The following DNAI4 variants were observed in gnomAD, a reference collection of about 807,000 sequenced individuals.
DNAI4 encodes the protein dynein axonemal intermediate chain 4.
DNAI4 carries 85 observed loss-of-function variants against 105.8 expected under a neutral mutation model. That is an observed-to-expected ratio of 0.80 (90% confidence interval 0.67 to 0.96). The LOEUF (loss-of-function observed/expected upper bound fraction) is 0.96, where lower values mean the gene tolerates loss of function less well. Ranked by LOEUF, DNAI4 falls within the 40% of genes least tolerant of loss-of-function variation. DNAI4 has a pLI of 0.00. For synonymous variants in DNAI4, 352 were observed against 331.5 expected (o/e 1.06, Z -0.67); for missense variants, 1,014 against 1,005.6 (o/e 1.01, Z -0.11).
chr1:66,923,511 T>C (rs1457605158), intron 1 of DNAI4, among the ~76,000 whole-genome samples: 1 of 151,938 alleles, frequency 6.6e-6, no homozygotes, highest in African/African-American at 2.4e-5. Context: ...CTAGGAAGAG[T>C]GGTTTCTCAG....
At chr1:66,871,886 TTATG>T (rs1272302623) in intron 5 of DNAI4, among the ~76,000 whole-genome samples, 1 of 152,228 alleles carries the variant, frequency 6.6e-6, no homozygotes, top group Admixed American at 6.5e-5. Flanking sequence ...TAGTTGAGAT[TTATG>T]TTATTAACTT....
chr1:66,857,120 A>G (rs1646518093), intron 7 of DNAI4, among the ~76,000 whole-genome samples: 1 of 151,978 alleles, frequency 6.6e-6, no homozygotes, highest in Non-Finnish European at 1.5e-5. Flanking sequence ...AATTGCCAGT[A>G]TGAGAAATGG....
intron 7 of DNAI4, among the ~76,000 whole-genome samples, chr1:66,851,346 A>G (rs1167191813): frequency 1.3e-5 from 2 of 151,952 alleles, no homozygotes; most frequent in Non-Finnish European, 2.9e-5. Context: ...AGTAAAAATT[A>G]TTAGAATTGA....
At chr1:66,913,836 G>C (rs1649848776) in intron 1 of DNAI4, among the ~76,000 whole-genome samples, 1 of 152,068 alleles carries the variant, frequency 6.6e-6, no homozygotes, top group Non-Finnish European at 1.5e-5. Context: ...CAAAAAATTA[G>C]CCAGGCGTGG....
At chr1:66,833,154 T>C (rs1003929834) in intron 13 of DNAI4, among the ~76,000 whole-genome samples, 3 of 152,166 alleles carry the variant, frequency 2.0e-5, no homozygotes, top group Non-Finnish European at 4.4e-5. Flanking sequence ...AACTAGAATG[T>C]ACCATTCCAC....
intron 7 of DNAI4, among the ~76,000 whole-genome samples, chr1:66,850,954 G>C (rs1646384309): frequency 1.3e-5 from 2 of 151,772 alleles, no homozygotes; most frequent in African/African-American, 4.8e-5. Context: ...AGATAAGATA[G>C]AATAAGCAGA....
chr1:66,919,876 C>A (rs1650335655), intron 1 of DNAI4, among the ~76,000 whole-genome samples: 1 of 152,138 alleles, frequency 6.6e-6, no homozygotes. Flanking sequence ...GGGACAAGGG[C>A]CCATTAAAAC....
chr1:66,832,134 C>A (rs1645878734), intron 13 of DNAI4, among the ~76,000 whole-genome samples: 1 of 152,138 alleles, frequency 6.6e-6, no homozygotes, highest in Admixed American at 6.5e-5. Context: ...GAAAATTCTC[C>A]CCTCCCTGCC....
Position 66,924,826 on chromosome 1 carries a change from C to A in DNAI4, c.6G>T (p.Thr2=). The A allele has an allele frequency of 6.2e-7, 1 of 1,613,956 alleles. No individual in the cohort carries two copies. Among genetic ancestry groups the A allele is most frequent in the South Asian group, 1.1e-5 (1 of 91,084 alleles). M[T]PGKHSGASAR... is the part of the protein sequence containing the mutation. The stretch of plus-strand genomic sequence containing the variant: ...CCGAGGCTCCGGAATGTTTGCCGGG[C>A]GTCATGGCGACGGTGGAGCCCTGGC... The change falls in exon 1 of 17, where the codon ACG becomes ACT. Residue 2 remains threonine (T), a synonymous_variant. Coordinates refer to ENST00000371026, the MANE Select transcript of DNAI4 (RefSeq NM_024763.5).
In DNAI4 at chr1:66,914,290, T is replaced by C. The variant is rs1346587317; in HGVS notation, c.171-8915A>G. On this transcript the variant is annotated intron_variant, in intron 1 of 16. Coordinates refer to ENST00000371026, the MANE Select transcript of DNAI4 (RefSeq NM_024763.5). The stretch of plus-strand genomic sequence containing the variant: ...ATTTACAAGGTCAACCTGCAAACTA[T>C]AGAGTTCCTAAGTCCTCTTTTTCTC... 2.6e-5 allele frequency among the ~76,000 whole-genome samples: 4 copies of C among 152,192 alleles called. No individual in the cohort carries two copies. In the East Asian group the frequency reaches 5.8e-4, roughly 22 times the overall value.
chr1:66,823,521 A>G (rs1645680758), intron 15 of DNAI4, among the ~76,000 whole-genome samples: 1 of 147,710 alleles, frequency 6.8e-6, no homozygotes, highest in African/African-American at 2.5e-5. Flanking sequence ...TTACAGTCCC[A>G]CCAACAGTGT....
At chr1:66,863,134 A>G (rs1646662372) in intron 6 of DNAI4, among the ~76,000 whole-genome samples, 1 of 152,190 alleles carries the variant, frequency 6.6e-6, no homozygotes, top group Admixed American at 6.6e-5. Flanking sequence ...GCAAACAAAT[A>G]TTGGCAATGT....
At chr1:66,846,188 T>C (rs1646271178) in intron 8 of DNAI4, among the ~76,000 whole-genome samples, 1 of 152,120 alleles carries the variant, frequency 6.6e-6, no homozygotes, top group Admixed American at 6.5e-5. Flanking sequence ...ACTCTTTAAA[T>C]ATAGGATGAA....
At chr1:66,851,846 A>T (rs1231137617) in intron 7 of DNAI4, among the ~76,000 whole-genome samples, 1 of 151,954 alleles carries the variant, frequency 6.6e-6, no homozygotes, top group African/African-American at 2.4e-5. Context: ...TCAAGTCAAT[A>T]ATCTAAGTTC....
At chr1:66,920,962 A>T (rs769004271) in intron 1 of DNAI4, among the ~76,000 whole-genome samples, 1 of 152,246 alleles carries the variant, frequency 6.6e-6, no homozygotes, top group African/African-American at 2.4e-5. Flanking sequence ...TCTATACAAT[A>T]TGTTCAGCTT....
At position 66,833,674 on chromosome 1, in the gene DNAI4, T is replaced by G; in HGVS notation, c.1924A>C (p.Ser642Arg). 1 of 1,613,380 alleles carries G rather than the reference T, an allele frequency of 6.2e-7. No individual in the cohort carries two copies. The highest frequency in any genetic ancestry group is 1.1e-5 in the South Asian group (1 of 91,046). ...LMRLKRTTAASNKKGGEKEKK... is the reference protein window; with the variant it reads ...LMRLKRTTAARNKKGGEKEKK... ...TCCTTTTCCCCTCCTTTTTTGTTACTGGCAGCTGTAGTTCTCTTTAATCGC... is the reference window on the plus strand; with the variant it reads ...TCCTTTTCCCCTCCTTTTTTGTTACGGGCAGCTGTAGTTCTCTTTAATCGC... Residue 642 changes from serine to arginine, a missense_variant, in exon 13 of 17, where the codon AGT (serine) becomes CGT (arginine). Coordinates refer to ENST00000371026, the MANE Select transcript of DNAI4 (RefSeq NM_024763.5).
chr1:66,865,223 G>A (rs1168697439), intron 6 of DNAI4, among the ~76,000 whole-genome samples: 2 of 152,094 alleles, frequency 1.3e-5, no homozygotes, highest in Non-Finnish European at 2.9e-5. Context: ...AGGAGTTTGA[G>A]ACCAGCCTGG....
At chr1:66,819,698 T>C (rs1645587241) in intron 16 of DNAI4, among the ~76,000 whole-genome samples, 1 of 152,022 alleles carries the variant, frequency 6.6e-6, no homozygotes, top group African/African-American at 2.4e-5. Context: ...CACACACAAA[T>C]ACGTATATAC....
intron 4 of DNAI4, among the ~76,000 whole-genome samples, chr1:66,876,283 A>T (rs1021360857): frequency 6.6e-6 from 1 of 152,160 alleles, no homozygotes; most frequent in South Asian, 2.1e-4. Flanking sequence ...TCCACACAGG[A>T]ATACTAACAA....
Sources: allele counts gnomAD v4.1 joint callset (sites outside exome capture counted in the v4.1 genomes callset), GRCh38; gene constraint gnomAD v4.1.1; transcripts MANE v1.5; gene names NCBI Gene and HGNC (gene_info 2026-07-23, HGNC 2026-07-21).